Variants in DZIP3 observed in about 807,000 individuals in gnomAD.
DZIP3 encodes E3 ubiquitin-protein ligase DZIP3.
In DZIP3, 118 loss-of-function variants were observed where a neutral mutation model predicts 162.0. The ratio of observed to expected loss-of-function variants is 0.73; its 90% CI spans 0.63 to 0.85. The LOEUF (loss-of-function observed/expected upper bound fraction) is 0.85. Ranked by LOEUF, DZIP3 falls within the 40% of genes least tolerant of loss-of-function variation. The pLI is 0.00. For missense variants in DZIP3, 1,331 were observed against 1,407.0 expected, an observed-to-expected ratio of 0.95 and a Z score of 0.86; for synonymous variants, 438 against 458.6, an observed-to-expected ratio of 0.96 and a Z score of 0.57.
At position 108,688,855 on chromosome 3, in the gene DZIP3, G is replaced by A. The variant is rs747759837; in HGVS notation, c.3447G>A (p.Val1149=). 1.9e-6 allele frequency: 3 copies of A among 1,614,188 alleles called. No homozygotes were observed. Among genetic ancestry groups the A allele is most frequent in the South Asian group, 1.1e-5 (1 of 91,078 alleles). ...AAGAGGAAGAAGAAGAGCCTTGTGT[G>A]ATCTGTCATGAGAATCTGTCTCCAG... ...DEEEEEEEPC[V]ICHENLSPEN... Residue 1149 remains valine, a synonymous_variant, in exon 31 of 33, where the codon GTG becomes GTA. Transcript: ENST00000361582.
chr3:108,675,916 T>C (rs1347807974), intron 25 of DZIP3, 43 bp downstream of exon 25: 14 of 1,537,972 alleles, frequency 9.1e-6, no homozygotes, highest in Non-Finnish European at 1.2e-5. Context: ...CTTAATGTTA[T>C]AGGTGGTGTA....
intron 4 of DZIP3, among the ~76,000 whole-genome samples, chr3:108,615,065 A>G (rs1301962721): frequency 6.6e-6 from 1 of 152,012 alleles, no homozygotes; most frequent in Non-Finnish European, 1.5e-5. Context: ...ATGCACTCCA[A>G]TTTTCCCCCA....
intron 4 of DZIP3, among the ~76,000 whole-genome samples, 195 bp from the exon 5 acceptor site, chr3:108,616,346 C>G (rs1370511281): frequency 2.7e-5 from 4 of 149,938 alleles, no homozygotes; most frequent in Non-Finnish European, 4.4e-5. Flanking sequence ...TAGTTACAAA[C>G]GACATTCATC....
chr3:108,611,167 C>A lies in DZIP3; in HGVS notation c.103-7C>A. The A allele has an allele frequency of 6.3e-7, 1 of 1,580,724 alleles. No homozygotes were observed. Among genetic ancestry groups the A allele is most frequent in the South Asian group, 1.2e-5 (1 of 84,658 alleles). ...TGTGTAAATTTTTAATCAATAATGTCTTCTAGAACAAACAGGAAAATGACA... is the reference window on the plus strand; with the variant it reads ...TGTGTAAATTTTTAATCAATAATGTATTCTAGAACAAACAGGAAAATGACA... On this transcript the variant is annotated splice_region_variant and splice_polypyrimidine_tract_variant and intron_variant, in intron 3 of 32. Transcript: ENST00000361582.
intron 1 of DZIP3, among the ~76,000 whole-genome samples, chr3:108,592,486 G>T (rs1939476248): frequency 6.6e-6 from 1 of 151,996 alleles, no homozygotes; most frequent in Admixed American, 6.5e-5. Flanking sequence ...TTGAACCCAG[G>T]AGTTCAAGAC....
Position 108,608,097 on chromosome 3 carries a change from C to T in DZIP3, c.41C>T (p.Ala14Val). Residue 14 changes from alanine to valine, a missense_variant, in exon 3 of 33, where the codon GCT becomes GTT. This residue lies in a region of DZIP3 where 1,278 missense variants were observed against 1,317.1 expected (regional missense o/e 0.97). Coordinates refer to ENST00000361582, the MANE Select transcript of DZIP3 (RefSeq NM_014648.4). ...LPDEFFVRHP[A>V]VEDQRKEETE... ...ATTTTCATTTAAAATAGGCATCCTG[C>T]TGTGGAGGATCAGAGGAAGGAAGAA... is the stretch of plus-strand genomic sequence containing the variant. 6.2e-7 allele frequency: 1 copy of T among 1,612,460 alleles called. No homozygotes were observed. Among genetic ancestry groups the T allele is most frequent in the Non-Finnish European group, 8.5e-7 (1 of 1,178,918 alleles).
chr3:108,596,648 T>C (rs1939728712), intron 1 of DZIP3, among the ~76,000 whole-genome samples: 1 of 152,216 alleles, frequency 6.6e-6, no homozygotes, highest in Non-Finnish European at 1.5e-5. Flanking sequence ...TGTTACAATC[T>C]ACACACGGGC....
chr3:108,622,876 C>CTGTGTGTGTG (rs772538913), intron 5 of DZIP3, among the ~76,000 whole-genome samples: 1 of 87,346 alleles, frequency 1.1e-5, no homozygotes, highest in African/African-American at 4.7e-5. Context: ...CTCTCTCTCT[C>CTGTGTGTGTG]TCTCTGTGTG....
Position 108,634,941 on chromosome 3 carries a change from A to G in DZIP3, c.887A>G (p.Lys296Arg). The G allele has an allele frequency of 6.2e-7, 1 of 1,608,752 alleles. No homozygotes were observed. Among genetic ancestry groups the G allele is most frequent in the South Asian group, 1.1e-5 (1 of 90,590 alleles). The part of the protein sequence containing the change: ...YFHKICWKKF[K>R]NLKYPGENDQ... Reference sequence around the variant, plus strand: ...CATAAAATTTGCTGGAAAAAGTTCAAGAATTTAAAGTATCCAGGTGAAAAT... The same window carrying G: ...CATAAAATTTGCTGGAAAAAGTTCAGGAATTTAAAGTATCCAGGTGAAAAT... Residue 296 changes from lysine to arginine, a missense_variant, in exon 10 of 33, where the codon AAG becomes AGG. By Grantham distance (26) the Lys-to-Arg change is conservative. Around this residue, in one of 2 missense-constraint regions of DZIP3, gnomAD observed 1,278 missense variants for 1,317.1 expected, o/e 0.97. Transcript: ENST00000361582.
chr3:108,654,363 C>G (rs1382013643), intron 19 of DZIP3, 53 bp downstream of exon 19: 1 of 1,594,888 alleles, frequency 6.3e-7, no homozygotes, highest in South Asian at 1.1e-5. Context: ...TCTGGTTTTT[C>G]CTGTGACTCT....
Position 108,631,055 on chromosome 3 carries a change from A to ATACACACTCTCTCTCTCTCT in DZIP3, c.696+1879_696+1880insTACACACTCTCTCTCTCTCT, listed in dbSNP as rs1553705360. Among the ~76,000 whole-genome samples, 8 of 18,014 alleles carry ATACACACTCTCTCTCTCTCT rather than the reference A, an allele frequency of 4.4e-4. 1 individual carries two copies. The highest frequency in any genetic ancestry group is 2.2e-3 in the African/African-American group (8 of 3,556). 11.8% of individuals were successfully genotyped at this position (18,014 alleles called of 152,430 possible). ...CACACACACACACACACACACACACACTCTCTCTCTCTCTCTCTCTCTCTC... is the reference window on the plus strand; with the variant it reads ...CACACACACACACACACACACACACATACACACTCTCTCTCTCTCTCTCTCTCTCTCTCTCTCTCTCTCTC... On this transcript the variant is annotated intron_variant, in intron 8 of 32. Transcript: ENST00000361582.
intron 19 of DZIP3, among the ~76,000 whole-genome samples, chr3:108,655,478 C>A (rs1467472339): frequency 6.6e-6 from 1 of 151,936 alleles, no homozygotes; most frequent in African/African-American, 2.4e-5. Flanking sequence ...AAAGCGTTAC[C>A]CTTACAAAGA....
intron 7 of DZIP3, among the ~76,000 whole-genome samples, 158 bp from the exon 8 acceptor site, chr3:108,628,904 T>C: frequency 6.6e-6 from 1 of 152,178 alleles, no homozygotes; most frequent in East Asian, 1.9e-4. Context: ...CATGCCAATC[T>C]GCCACAGGTG....
At chr3:108,675,653 G>T in intron 24 of DZIP3, 133 bp from the exon 25 acceptor site, 1 of 579,082 alleles carries the variant, frequency 1.7e-6, no homozygotes, top group Non-Finnish European at 2.9e-6. Context: ...ATGTCCATTT[G>T]AAGTAATTGT....
At chr3:108,598,935 G>A (rs1375381440) in intron 1 of DZIP3, among the ~76,000 whole-genome samples, 2 of 152,116 alleles carry the variant, frequency 1.3e-5, no homozygotes, top group East Asian at 1.9e-4. Context: ...CCTAACTTGT[G>A]CATATTCATT....
intron 13 of DZIP3, 95 bp downstream of exon 13, chr3:108,642,609 C>T (rs1942452567): frequency 4.7e-6 from 6 of 1,271,860 alleles, no homozygotes; most frequent in Admixed American, 3.2e-5. Flanking sequence ...CACGTCTTTA[C>T]TGTGTTTGTC....
intron 8 of DZIP3, among the ~76,000 whole-genome samples, chr3:108,632,210 A>T (rs1388614984): frequency 6.6e-6 from 1 of 152,044 alleles, no homozygotes; most frequent in East Asian, 1.9e-4. Flanking sequence ...TTTAATCAGC[A>T]TTTCATTTAT....
At chr3:108,606,095 T>C in intron 2 of DZIP3, among the ~76,000 whole-genome samples, 1 of 152,362 alleles carries the variant, frequency 6.6e-6, no homozygotes, top group South Asian at 2.1e-4. Context: ...ATGTCAGCAT[T>C]GTTTTTAGTG....
chr3:108,629,443 T>G (rs1162222948), intron 8 of DZIP3, among the ~76,000 whole-genome samples: 1 of 152,182 alleles, frequency 6.6e-6, no homozygotes, highest in Non-Finnish European at 1.5e-5. Flanking sequence ...GCTGTTAACT[T>G]TTTTTCCTAA....
Sources: allele counts gnomAD v4.1 joint callset (sites outside exome capture counted in the v4.1 genomes callset), GRCh38; gene constraint gnomAD v4.1.1; regional missense constraint gnomAD v4.1.1; transcripts MANE v1.5; gene names NCBI Gene and HGNC (gene_info 2026-07-23, HGNC 2026-07-21).